Variants in AGBL1 observed in about 807,000 individuals in gnomAD.
The protein encoded by AGBL1 is cytosolic carboxypeptidase 4.
A neutral mutation model predicts 118.9 loss-of-function variants in AGBL1; 130 were observed. The observed-to-expected ratio is 1.09, with a 90% CI of 0.95 to 1.26. The LOEUF (loss-of-function observed/expected upper bound fraction) is 1.26. Among genes scored for constraint, AGBL1 ranks in the 50% most tolerant of loss-of-function variants. The pLI is 0.00. For missense variants in AGBL1, 1,584 were observed against 1,298.1 expected (o/e 1.22, Z -3.38); for synonymous variants, 555 against 478.9 (o/e 1.16, Z -2.08).
intron 22 of AGBL1, among the ~76,000 whole-genome samples, chr15:86,886,813 A>G (rs1267427750): frequency 6.6e-6 from 1 of 152,098 alleles, no homozygotes; most frequent in African/African-American, 2.4e-5. Context: ...ATTTGAGGAG[A>G]GGTGAGAGAT....
At chr15:86,765,575 A>G (rs1356117531) in intron 22 of AGBL1, among the ~76,000 whole-genome samples, 1 of 151,992 alleles carries the variant, frequency 6.6e-6, no homozygotes, top group Non-Finnish European at 1.5e-5. Flanking sequence ...CATGGTAGGG[A>G]CAGCATTTAC....
chr15:86,820,246 A>G (rs1596515325), intron 22 of AGBL1, among the ~76,000 whole-genome samples: 1 of 152,188 alleles, frequency 6.6e-6, no homozygotes, highest in Non-Finnish European at 1.5e-5. Context: ...AGACTTCATG[A>G]CTAAAACACC....
chr15:86,663,406 G>C (rs2085581909), intron 21 of AGBL1, among the ~76,000 whole-genome samples: 1 of 152,092 alleles, frequency 6.6e-6, no homozygotes, highest in South Asian at 2.1e-4. Context: ...TTCAAAATTA[G>C]GTCTGAGAGA....
At chr15:86,219,321 T>TAAAG (rs2078241289) in intron 5 of AGBL1, among the ~76,000 whole-genome samples, 1 of 152,176 alleles carries the variant, frequency 6.6e-6, no homozygotes, top group Non-Finnish European at 1.5e-5. Flanking sequence ...GCCATTACTT[T>TAAAG]TAATGGCAAA....
At chr15:86,700,388 T>C (rs975584695) in intron 22 of AGBL1, among the ~76,000 whole-genome samples, 53 of 151,998 alleles carry the variant, frequency 3.5e-4, no homozygotes, top group African/African-American at 1.1e-3. Flanking sequence ...CATTTTTAAA[T>C]AATGCTTGGT....
chr15:86,917,697 A>G (rs1228037781), downstream of AGBL1, among the ~76,000 whole-genome samples: 1 of 152,042 alleles, frequency 6.6e-6, no homozygotes, highest in African/African-American at 2.4e-5. This position sits in a 1 kb window ranked among gnomAD's most constrained non-coding sequence, Gnocchi z 4.8. Flanking sequence ...TGTCGGGGTG[A>G]GGGATGAAAA....
chr15:86,850,643 G>T (rs2079395802), intron 22 of AGBL1, among the ~76,000 whole-genome samples: 1 of 152,118 alleles, frequency 6.6e-6, no homozygotes, highest in African/African-American at 2.4e-5. Flanking sequence ...TATTGATAGG[G>T]TTACCTAAAT....
chr15:86,260,222 G>C (rs560112183), intron 9 of AGBL1, among the ~76,000 whole-genome samples: 2 of 152,328 alleles, frequency 1.3e-5, no homozygotes, highest in South Asian at 4.1e-4. Flanking sequence ...CCAGAGGCGT[G>C]AACAAGAAGT....
chr15:86,880,799 G>A (rs528202663), intron 22 of AGBL1, among the ~76,000 whole-genome samples: 1 of 152,270 alleles, frequency 6.6e-6, no homozygotes, highest in African/African-American at 2.4e-5. Flanking sequence ...GCACGTGTGT[G>A]TGTGTATAGG....
intron 22 of AGBL1, among the ~76,000 whole-genome samples, chr15:86,783,152 A>G (rs1000284730): frequency 4.6e-5 from 7 of 152,192 alleles, no homozygotes; most frequent in Non-Finnish European, 1.0e-4. Context: ...TGAAATTGCT[A>G]TTTTAATTGT....
intron 21 of AGBL1, among the ~76,000 whole-genome samples, chr15:86,593,777 T>C (rs923858791): frequency 2.0e-5 from 3 of 152,212 alleles, no homozygotes; most frequent in Non-Finnish European, 2.9e-5. Flanking sequence ...CATCTGTAGC[T>C]CTAGGGAACG....
intron 23 of AGBL1, among the ~76,000 whole-genome samples, chr15:86,931,316 G>A (rs10163010): frequency 0.15 from 22,358 of 151,986 alleles, 2,812 homozygotes; most frequent in African/African-American, 0.33. Flanking sequence ...TTACCCCTAC[G>A]TTTAACAACC....
At chr15:86,681,310 T>C (rs928870127) in intron 22 of AGBL1, among the ~76,000 whole-genome samples, 3 of 152,216 alleles carry the variant, frequency 2.0e-5, no homozygotes, top group Non-Finnish European at 4.4e-5. Flanking sequence ...TCATTGCACC[T>C]ATTCCTCATC....
intron 23 of AGBL1, among the ~76,000 whole-genome samples, chr15:86,923,314 T>G (rs148157714): frequency 1.3e-5 from 2 of 152,304 alleles, no homozygotes; most frequent in East Asian, 3.9e-4. Flanking sequence ...CCTCTACAAT[T>G]TAGCTCACCT....
intron 22 of AGBL1, among the ~76,000 whole-genome samples, chr15:86,776,750 A>ATATG (rs1466910509): frequency 0.041 from 5,771 of 139,354 alleles, 248 homozygotes; most frequent in East Asian, 0.25. Flanking sequence ...ATATATATAT[A>ATATG]TGTGTGTGTG....
At chr15:86,945,812 G>A (rs2080813744) in intron 23 of AGBL1, among the ~76,000 whole-genome samples, 1 of 152,108 alleles carries the variant, frequency 6.6e-6, no homozygotes, top group Admixed American at 6.6e-5. Context: ...AGCAGTCTGG[G>A]GATACAGCAC....
At chr15:86,927,438 T>C (rs2080555572) in intron 23 of AGBL1, among the ~76,000 whole-genome samples, 1 of 140,012 alleles carries the variant, frequency 7.1e-6, no homozygotes, top group South Asian at 2.3e-4. Context: ...AAAAAAAAAA[T>C]AGCCAGGTGT....
At chr15:86,777,340 TTAAAA>T (rs1463066900) in intron 22 of AGBL1, among the ~76,000 whole-genome samples, 2 of 152,040 alleles carry the variant, frequency 1.3e-5, no homozygotes, top group Admixed American at 6.6e-5. Context: ...CACAATTATA[TTAAAA>T]TAAAAATATT....
At chr15:86,866,226 T>C (rs2079626787) in intron 22 of AGBL1, among the ~76,000 whole-genome samples, 3 of 152,346 alleles carry the variant, frequency 2.0e-5, no homozygotes, top group Middle Eastern at 3.4e-3. Context: ...AAAAGTCATC[T>C]TGACAAATGA....
Sources: gnomAD v4.1 joint callset for allele counts (sites outside exome capture counted in the v4.1 genomes callset) on GRCh38, gnomAD v4.1.1 for gene constraint, Gnocchi (gnomAD v3.1) non-coding constraint, MANE v1.5 for transcripts, NCBI Gene and HGNC (gene_info 2026-07-23, HGNC 2026-07-21) for gene names.